FCHO2: variants seen among roughly 807,000 people sequenced by gnomAD.
FCHO2 encodes FCH and mu domain containing endocytic adaptor 2, also known as F-BAR domain only protein 2.
A neutral mutation model predicts 114.1 loss-of-function variants in FCHO2; 43 were observed. The observed-to-expected ratio is 0.38, with a 90% CI of 0.30 to 0.49. The LOEUF (loss-of-function observed/expected upper bound fraction) is 0.49. Ranked by LOEUF, FCHO2 falls within the 20% of genes least tolerant of loss-of-function variation. FCHO2 has a pLI of 0.97. For synonymous variants in FCHO2, 293 were observed against 315.2 expected, an observed-to-expected ratio of 0.93 and a Z score of 0.75; for missense variants, 807 against 950.4, an observed-to-expected ratio of 0.85 and a Z score of 1.98.
chr5:73,036,476 C>T (rs1426186235), intron 9 of FCHO2, among the ~76,000 whole-genome samples: 2 of 152,014 alleles, frequency 1.3e-5, no homozygotes, highest in Non-Finnish European at 2.9e-5. Flanking sequence ...TGGACTCAAG[C>T]AATCCTCTCA....
At chr5:73,006,373 C>T in intron 5 of FCHO2, 72 bp from the exon 6 acceptor site, 1 of 868,170 alleles carries the variant, frequency 1.2e-6, no homozygotes, top group South Asian at 3.2e-5. Flanking sequence ...ATTTGTTATT[C>T]ATATTAACTT....
In FCHO2 at chr5:73,037,141, A is replaced by G; in HGVS notation, c.842-2A>G. The G allele has an allele frequency of 6.5e-7, 1 of 1,533,864 alleles. No homozygotes were observed. The highest frequency in any genetic ancestry group is 8.8e-7 in the Non-Finnish European group (1 of 1,131,168). On this transcript the variant is annotated splice_acceptor_variant, in intron 9 of 25. Transcript: ENST00000430046. LOFTEE classifies it high-confidence loss of function. Reference sequence around the variant, plus strand: ...CTGTAACAATATATATTTATTTTAAAGGTATAAAACCAAGGAAAAGAAAGA... The same window carrying G: ...CTGTAACAATATATATTTATTTTAAGGGTATAAAACCAAGGAAAAGAAAGA...
At chr5:72,956,269 G>C (rs890779341) in intron 1 of FCHO2, 140 bp downstream of exon 1, 1 of 1,175,748 alleles carries the variant, frequency 8.5e-7, no homozygotes, top group Non-Finnish European at 1.2e-6. Flanking sequence ...GCCTGGGTGA[G>C]GTCCGGCGGG....
chr5:73,001,426 A>G (rs1316544685), intron 5 of FCHO2, among the ~76,000 whole-genome samples: 5 of 142,090 alleles, frequency 3.5e-5, no homozygotes, highest in Non-Finnish European at 7.6e-5. Flanking sequence ...TACAGCCCAG[A>G]TGACAGAGCG....
At chr5:72,973,050 G>T (rs1355976522) in intron 2 of FCHO2, among the ~76,000 whole-genome samples, 4 of 152,152 alleles carry the variant, frequency 2.6e-5, no homozygotes, top group Non-Finnish European at 5.9e-5. Flanking sequence ...CAGGGATGAA[G>T]CCCACTTGAT....
At chr5:73,035,996 C>G in intron 9 of FCHO2, among the ~76,000 whole-genome samples, 1 of 152,044 alleles carries the variant, frequency 6.6e-6, no homozygotes, top group Non-Finnish European at 1.5e-5. Flanking sequence ...GTGTGCGCCA[C>G]TACGCCCGGC....
chr5:72,967,544 A>G (rs534242120), intron 1 of FCHO2, among the ~76,000 whole-genome samples: 46 of 152,302 alleles, frequency 3.0e-4, no homozygotes, highest in African/African-American at 1.1e-3. Context: ...TTGAAATGGG[A>G]TTTGGTAATA....
At chr5:73,068,588 A>T in intron 18 of FCHO2, 62 bp from the exon 19 acceptor site, 3 of 1,554,216 alleles carry the variant, frequency 1.9e-6, no homozygotes, top group Non-Finnish European at 8.7e-7. Flanking sequence ...CATACTTAAA[A>T]ATCTTCTCTA....
chr5:73,034,905 T>C (rs773627645), intron 9 of FCHO2, among the ~76,000 whole-genome samples: 1 of 152,150 alleles, frequency 6.6e-6, no homozygotes, highest in Non-Finnish European at 1.5e-5. Context: ...ATAATATTAG[T>C]GTGTTAGATT....
At chr5:72,959,126 C>T (rs1277026041) in intron 1 of FCHO2, among the ~76,000 whole-genome samples, 4 of 152,112 alleles carry the variant, frequency 2.6e-5, no homozygotes, top group African/African-American at 9.7e-5. Context: ...TATTTTATTT[C>T]CTGGCTTGGA....
At chr5:73,054,583 C>G (rs1192312711) in intron 15 of FCHO2, 34 bp downstream of exon 15, 1 of 1,476,088 alleles carries the variant, frequency 6.8e-7, no homozygotes, top group African/African-American at 1.4e-5. Flanking sequence ...TATTTTATGT[C>G]TATTAAAATT....
At chr5:73,065,850 T>C (rs373166257) in intron 18 of FCHO2, among the ~76,000 whole-genome samples, 11 of 151,988 alleles carry the variant, frequency 7.2e-5, no homozygotes, top group African/African-American at 2.7e-4. Context: ...GAGTAGTGAA[T>C]ATTGTACCCA....
At chr5:72,970,152 C>T (rs895172324) in intron 2 of FCHO2, among the ~76,000 whole-genome samples, 1 of 152,192 alleles carries the variant, frequency 6.6e-6, no homozygotes, top group African/African-American at 2.4e-5. Context: ...CTCTTTCAGC[C>T]ATCTCAAGGG....
chr5:72,991,938 A>C lies in FCHO2; in HGVS notation c.495+1074A>C, dbSNP rs542150432. On this transcript the variant is annotated intron_variant, in intron 5 of 25. Coordinates refer to ENST00000430046, the MANE Select transcript of FCHO2 (RefSeq NM_138782.3). ...TTTTTAACAACAGATGATGATAGAA[A>C]GTCTTCTGTTACAAGTCTGAATAAC... 1.3e-4 allele frequency among the ~76,000 whole-genome samples: 20 copies of C among 152,340 alleles called. No individual in the cohort carries two copies. In the South Asian group the frequency reaches 3.5e-3, roughly 27 times the overall value.
At chr5:73,054,584 T>A in intron 15 of FCHO2, 35 bp downstream of exon 15, 1 of 1,454,202 alleles carries the variant, frequency 6.9e-7, no homozygotes, top group Non-Finnish European at 9.4e-7. Context: ...ATTTTATGTC[T>A]ATTAAAATTT....
At chr5:73,016,103 T>C (rs1440152065) in intron 7 of FCHO2, among the ~76,000 whole-genome samples, 1 of 152,068 alleles carries the variant, frequency 6.6e-6, no homozygotes, top group Admixed American at 6.5e-5. Flanking sequence ...AAAGGTTTAA[T>C]GATGACAATT....
rs1351838756 is a variant in FCHO2 at position 73,089,343 on chromosome 5, TA to T, written c.*1257del. ...GGTATTTTGTGAGGGATGCATTTTT[TA>T]AAAGATTAATTTTGGAAACAGAAGG... is the stretch of plus-strand genomic sequence containing the variant. On this transcript the variant is annotated 3_prime_UTR_variant, in exon 26 of 26. Coordinates refer to ENST00000430046, the MANE Select transcript of FCHO2 (RefSeq NM_138782.3). 6.6e-6 allele frequency: 1 copy of T among 152,246 alleles called. No individual in the cohort carries two copies. Among genetic ancestry groups the T allele is most frequent in the African/African-American group, 2.4e-5 (1 of 41,456 alleles). The allele number at this position is 152,246 out of a possible 1,614,324, so 9.4% of individuals were successfully genotyped here.
chr5:73,070,834 C>G (rs1193335409), intron 19 of FCHO2, among the ~76,000 whole-genome samples: 1 of 151,892 alleles, frequency 6.6e-6, no homozygotes, highest in Non-Finnish European at 1.5e-5. Context: ...GTTTCTGATT[C>G]TCCTTGTTTC....
chr5:72,975,018 G>A (rs886979969), intron 2 of FCHO2, among the ~76,000 whole-genome samples: 4 of 152,110 alleles, frequency 2.6e-5, no homozygotes, highest in Non-Finnish European at 1.5e-5. Context: ...CTTTAAGAAT[G>A]TTGAATATTG....
Sources: gnomAD v4.1 joint callset for allele counts (sites outside exome capture counted in the v4.1 genomes callset) on GRCh38, gnomAD v4.1.1 for gene constraint, MANE v1.5 for transcripts, NCBI Gene and HGNC (gene_info 2026-07-23, HGNC 2026-07-21) for gene names.